Variants in P2RX7 observed in about 807,000 individuals in gnomAD.
P2RX7 encodes P2X purinoceptor 7.
In P2RX7, 62 loss-of-function variants were observed where a neutral mutation model predicts 71.6. The ratio of observed to expected loss-of-function variants is 0.87; its 90% CI spans 0.71 to 1.07. P2RX7 has a LOEUF of 1.07. Among genes scored for constraint, P2RX7 ranks in the 50% least tolerant of loss-of-function variants. The pLI is 0.00. For missense variants in P2RX7, 686 were observed against 748.5 expected (o/e 0.92, Z 0.97); for synonymous variants, 299 against 283.3 (o/e 1.06, Z -0.56).
chr12:121,184,155 C>T (rs1884595295), intron 12 of P2RX7, 150 bp from the exon 13 acceptor site: 2 of 854,252 alleles, frequency 2.3e-6, no homozygotes, highest in African/African-American at 3.5e-5. Flanking sequence ...GCTTACAGAA[C>T]ACATGCATGG....
chr12:121,136,023 A>AAAT, intron 1 of P2RX7, among the ~76,000 whole-genome samples: 4 of 15,262 alleles, frequency 2.6e-4, no homozygotes, highest in African/African-American at 3.7e-4. Flanking sequence ...AAAAAAAAAA[A>AAAT]ATATATATAT....
rs571979988 is a variant in P2RX7, at chr12:121,152,160, T to A, written c.126-2625T>A. The stretch of plus-strand genomic sequence containing the variant: ...ACACCCGGCTAATTTTTTGTATTTT[T>A]AGTAGAGAGAGGGTTTCACCATGTT... On this transcript the variant is annotated intron_variant, in intron 1 of 12. Coordinates refer to ENST00000328963, the MANE Select transcript of P2RX7 (RefSeq NM_002562.6). Among the ~76,000 whole-genome samples the A allele has an allele frequency of 3.3e-5, 5 of 152,038 alleles. No individual in the cohort carries two copies. The South Asian group carries it at 1.0e-3, about 32-fold the overall frequency.
rs141886393 is a variant in P2RX7, at chr12:121,157,872, G to A, written c.363+1725G>A. ...ACAAATGAGTGAATACCTGTGACAC[G>A]CTTAAAACAAGGCATGGTACATTAT... On this transcript the variant is annotated intron_variant, in intron 3 of 12. Coordinates refer to ENST00000328963, the MANE Select transcript of P2RX7 (RefSeq NM_002562.6). Among the ~76,000 whole-genome samples, 367 of 152,268 alleles carry A rather than the reference G, an allele frequency of 2.4e-3. 2 individuals are homozygous for A. Among genetic ancestry groups the A allele is most frequent in the African/African-American group, 8.0e-3 (332 of 41,556 alleles).
chr12:121,162,208 G>A, intron 4 of P2RX7: 1 of 1,343,400 alleles, frequency 7.4e-7, no homozygotes, highest in Non-Finnish European at 9.6e-7. Context: ...CAGTCTTTCT[G>A]TGTTCTCTCT....
chr12:121,136,647 CTT>C (rs66894143), intron 1 of P2RX7, among the ~76,000 whole-genome samples: 50 of 119,206 alleles, frequency 4.2e-4, no homozygotes, highest in African/African-American at 6.4e-4. Context: ...TTCTTTCTTT[CTT>C]TTTTTTTTTT....
intron 1 of P2RX7, among the ~76,000 whole-genome samples, chr12:121,142,449 T>G (rs1251411879): frequency 1.3e-5 from 2 of 152,118 alleles, no homozygotes; most frequent in Non-Finnish European, 2.9e-5. Context: ...AATCTCTGAC[T>G]TCTCTCCCGG....
At chr12:121,133,173 C>G in intron 1 of P2RX7, 78 bp downstream of exon 1, 1 of 1,511,982 alleles carries the variant, frequency 6.6e-7, no homozygotes, top group East Asian at 2.3e-5. Context: ...GCTTCAGGTG[C>G]ACATTCTGAA....
Position 121,165,364 on chromosome 12 carries a change from C to G in P2RX7, c.541C>G (p.Leu181Val). Residue 181 changes from leucine (L) to valine (V), a missense_variant, in exon 6 of 13, where the codon CTC becomes GTC. Transcript: ENST00000328963. Reference protein sequence around the residue: ...EAVEEAPRPALLNSAENFTVL... With the variant: ...EAVEEAPRPAVLNSAENFTVL... The stretch of plus-strand genomic sequence containing the variant: ...TGCATGTCTCTCTCCCAGGCCTGCT[C>G]TCTTGAACAGTGCCGAAAACTTCAC... 6.2e-7 allele frequency: 1 copy of G among 1,614,018 alleles called. No individual in the cohort carries two copies. The highest frequency in any genetic ancestry group is 8.5e-7 in the Non-Finnish European group (1 of 1,179,890).
Position 121,133,072 on chromosome 12 carries a change from C to T in P2RX7, c.102C>T (p.His34=), listed in dbSNP as rs371356064. 2.0e-5 allele frequency: 32 copies of T among 1,614,184 alleles called. No homozygotes were observed. The highest frequency in any genetic ancestry group is 1.6e-4 in the Middle Eastern group (1 of 6,062). ...ATGGCACCATTAAGTGGTTCTTCCA[C>T]GTGATCATCTTTTCCTACGTTTGGT... ...MNYGTIKWFF[H]VIIFSYVCFA... is the part of the protein sequence containing the mutation. Residue 34 remains histidine (H), a synonymous_variant, in exon 1 of 13, where the codon CAC becomes CAT. Coordinates refer to ENST00000328963, the MANE Select transcript of P2RX7 (RefSeq NM_002562.6).
intron 3 of P2RX7, among the ~76,000 whole-genome samples, chr12:121,159,475 A>C (rs1345137247): frequency 6.6e-6 from 1 of 151,858 alleles, no homozygotes; most frequent in Admixed American, 6.6e-5. Flanking sequence ...ACAGATGAAC[A>C]GTGAGCTGGC....
chr12:121,166,330 G>A, intron 7 of P2RX7, 143 bp downstream of exon 7: 1 of 824,890 alleles, frequency 1.2e-6, no homozygotes, highest in African/African-American at 1.7e-5. Context: ...GCTACGCTAA[G>A]GACTTTACCT....
chr12:121,162,663 G>GC (rs1879993634), intron 5 of P2RX7, 143 bp downstream of exon 5: 2 of 794,568 alleles, frequency 2.5e-6, no homozygotes, highest in Middle Eastern at 3.7e-4. Flanking sequence ...CGCTCTGGAT[G>GC]CACTGCTTGG....
chr12:121,151,808 G>A (rs972124904), intron 1 of P2RX7, among the ~76,000 whole-genome samples: 1 of 151,738 alleles, frequency 6.6e-6, no homozygotes, highest in African/African-American at 2.4e-5. Flanking sequence ...CCCCTGCAAC[G>A]ACCAATCTAC....
At chr12:121,139,628 C>G (rs1383109672) in intron 1 of P2RX7, among the ~76,000 whole-genome samples, 3 of 152,290 alleles carry the variant, frequency 2.0e-5, no homozygotes, top group African/African-American at 7.2e-5. Flanking sequence ...TGGGCCTCCT[C>G]CAGCTGAGTA....
At position 121,165,373 on chromosome 12, in the gene P2RX7, A is replaced by G; in HGVS notation, c.550A>G (p.Ser184Gly). The change falls in exon 6 of 13, where the codon AGT becomes GGT. Residue 184 changes from serine to glycine, a missense_variant. By Grantham distance (56) the Ser-to-Gly change is moderately conservative. Coordinates refer to ENST00000328963, the MANE Select transcript of P2RX7 (RefSeq NM_002562.6). ...EEAPRPALLN[S>G]AENFTVLIKN... ...CTCTCCCAGGCCTGCTCTCTTGAACAGTGCCGAAAACTTCACTGTGCTCAT... is the reference window on the plus strand; with the variant it reads ...CTCTCCCAGGCCTGCTCTCTTGAACGGTGCCGAAAACTTCACTGTGCTCAT... 1 of 1,614,090 alleles carries G rather than the reference A, an allele frequency of 6.2e-7. No homozygotes were observed. The highest frequency in any genetic ancestry group is 8.5e-7 in the Non-Finnish European group (1 of 1,179,974).
At chr12:121,166,464 T>C (rs1333395347) in intron 7 of P2RX7, among the ~76,000 whole-genome samples, 1 of 152,244 alleles carries the variant, frequency 6.6e-6, no homozygotes, top group Admixed American at 6.5e-5. Context: ...TATTTGCTTA[T>C]GTTGCCAGAG....
intron 1 of P2RX7, among the ~76,000 whole-genome samples, chr12:121,142,854 T>G (rs1875257984): frequency 1.3e-5 from 2 of 152,026 alleles, no homozygotes; most frequent in African/African-American, 2.4e-5. Context: ...TTTGGGAGGC[T>G]GAGACAGGTG....
Position 121,166,184 on chromosome 12 carries a change from T to A in P2RX7, c.741T>A (p.Ile247=). ...GCGATAATTTTTCAGATGTGGCAATTCAGGTTGGTGGTGCTTTGTACACTG... is the reference window on the plus strand; with the variant it reads ...GCGATAATTTTTCAGATGTGGCAATACAGGTTGGTGGTGCTTTGTACACTG... ...ETGDNFSDVA[I]QGGIMGIEIY... The change falls in exon 7 of 13, where the codon ATT becomes ATA. Residue 247 remains isoleucine (I), a synonymous_variant. Transcript: ENST00000328963. 1 of 1,613,040 alleles carries A rather than the reference T, an allele frequency of 6.2e-7. No homozygotes were observed. Among genetic ancestry groups the A allele is most frequent in the Non-Finnish European group, 8.5e-7 (1 of 1,179,280 alleles).
chr12:121,141,027 A>G (rs1230326466), intron 1 of P2RX7, among the ~76,000 whole-genome samples: 1 of 152,164 alleles, frequency 6.6e-6, no homozygotes, highest in Non-Finnish European at 1.5e-5. Context: ...CAGAGGTTGC[A>G]GTGAGCCTAA....
Sources: gnomAD v4.1 joint callset for allele counts (sites outside exome capture counted in the v4.1 genomes callset) on GRCh38, gnomAD v4.1.1 for gene constraint, MANE v1.5 for transcripts, NCBI Gene and HGNC (gene_info 2026-07-23, HGNC 2026-07-21) for gene names.